Variants in CLASRP observed in about 807,000 individuals in gnomAD.
The protein encoded by CLASRP is CLK4 associating serine/arginine rich protein.
CLASRP carries 52 observed loss-of-function variants against 99.9 expected under a neutral mutation model. The observed-to-expected ratio is 0.52, with a 90% CI of 0.42 to 0.66. The LOEUF (loss-of-function observed/expected upper bound fraction) is 0.66. Among genes scored for constraint, CLASRP ranks in the 30% least tolerant of loss-of-function variants. CLASRP has a pLI of 0.00. For missense variants in CLASRP, 848 were observed against 999.2 expected, an observed-to-expected ratio of 0.85 and a Z score of 2.04; for synonymous variants, 379 against 373.0, an observed-to-expected ratio of 1.02 and a Z score of -0.18.
Position 45,060,407 on chromosome 19 carries a change from G to A in CLASRP, c.729G>A (p.Lys243=), listed in dbSNP as rs1054667685. 1.8e-5 allele frequency: 29 copies of A among 1,614,034 alleles called. No individual in the cohort carries two copies. ...TCTATAGGATGCTCCGGAAAGACAA[G>A]GAGGAGGCAGAGGCCATCAAGCATG... ...GDFVRMLRKD[K]EEAEAIKHAK... The change falls in exon 9 of 21, where the codon AAG becomes AAA. Residue 243 remains lysine, a synonymous_variant. Transcript: ENST00000221455. The surrounding 1 kb of genome is among the most constrained non-coding windows in gnomAD (Gnocchi z 4.6).
intron 5 of CLASRP, among the ~76,000 whole-genome samples, chr19:45,054,495 C>T (rs759256061): frequency 1.3e-5 from 2 of 152,102 alleles, no homozygotes; most frequent in African/African-American, 4.8e-5. Flanking sequence ...GTGATCCACC[C>T]GCCTCGGCCT....
intron 10 of CLASRP, 47 bp from the exon 11 acceptor site, chr19:45,062,107 T>G: frequency 7.8e-6 from 9 of 1,149,506 alleles, no homozygotes; most frequent in African/African-American, 3.0e-5. Flanking sequence ...TCATGACTGC[T>G]GAGATCTTAA....
In CLASRP at chr19:45,052,759, G is replaced by A. The variant is rs373110575; in HGVS notation, c.198-32G>A. 6 of 1,534,210 alleles carry A rather than the reference G, an allele frequency of 3.9e-6. No individual in the cohort carries two copies. In the African/African-American group the frequency reaches 8.2e-5, roughly 21 times the overall value. On this transcript the variant is annotated intron_variant, in intron 3 of 20. Coordinates refer to ENST00000221455, the MANE Select transcript of CLASRP (RefSeq NM_007056.3). ...TGTCCTGGGCAGTATGGACCCTGAG[G>A]TTCTTGCTTTCTTGCTCCCCTCCCA...
At chr19:45,065,167 C>G (rs1308450081) in intron 13 of CLASRP, among the ~76,000 whole-genome samples, 3 of 151,608 alleles carry the variant, frequency 2.0e-5, no homozygotes, top group Admixed American at 6.6e-5. Context: ...CCGAGGCAGG[C>G]GGATCTCCTG....
Position 45,062,134 on chromosome 19 carries a change from C to T in CLASRP, c.864-20C>T. ...AGATCTTAAGCCCTAATTTGTCCCA[C>T]CCCATTCTTTTCTCTGTAGCTATGC... On this transcript the variant is annotated intron_variant, in intron 10 of 20. Coordinates refer to ENST00000221455, the MANE Select transcript of CLASRP (RefSeq NM_007056.3). 6.9e-7 allele frequency: 1 copy of T among 1,439,586 alleles called. No homozygotes were observed. The highest frequency in any genetic ancestry group is 1.1e-5 in the South Asian group (1 of 87,552). 89.2% of individuals were successfully genotyped at this position (1,439,586 alleles called of 1,614,324 possible). A position where few individuals can be genotyped will look rare whatever the true frequency, so the allele number is the denominator to read the frequency against.
rs1003235651 is a variant in CLASRP, at chr19:45,060,505, G to A, written c.789+38G>A. On this transcript the variant is annotated intron_variant, in intron 9 of 20. Coordinates refer to ENST00000221455, the MANE Select transcript of CLASRP (RefSeq NM_007056.3). The surrounding 1 kb of genome is among the most constrained non-coding windows in gnomAD (Gnocchi z 4.6). ...CTGGAGTGGAAGGGGACAGGGGTGT[G>A]TCACAGGGAGGGCACCCCCTCACCA... 9.9e-6 allele frequency: 16 copies of A among 1,613,242 alleles called. No individual in the cohort carries two copies. The highest frequency in any genetic ancestry group is 5.0e-5 in the Admixed American group (3 of 59,984).
intron 4 of CLASRP, 35 bp from the exon 5 acceptor site, chr19:45,053,063 T>C (rs751723594): frequency 4.3e-5 from 70 of 1,611,570 alleles, no homozygotes; most frequent in Admixed American, 1.7e-4. Context: ...ATCCACTCCT[T>C]CTCTCTGATT....
chr19:45,064,790 G>A (rs1353508795), intron 13 of CLASRP, among the ~76,000 whole-genome samples, 160 bp downstream of exon 13: 2 of 152,214 alleles, frequency 1.3e-5, no homozygotes, highest in Non-Finnish European at 2.9e-5. Flanking sequence ...GGAAGCCCTT[G>A]GTTGGAAAGG....
At chr19:45,050,554 C>T (rs1972004637) in intron 2 of CLASRP, among the ~76,000 whole-genome samples, 1 of 151,922 alleles carries the variant, frequency 6.6e-6, no homozygotes, top group Non-Finnish European at 1.5e-5. Flanking sequence ...CATGGTGGCG[C>T]ATGCCTGTAA....
chr19:45,052,081 C>T lies in CLASRP; in HGVS notation c.110C>T (p.Pro37Leu), dbSNP rs1198619217. The T allele has an allele frequency of 6.2e-7, 1 of 1,613,932 alleles. No homozygotes were observed. ...TGTTTACCCCTGCAGAAGAAGGACC[C>T]AGCCCAGTTCCTGCAGGTACATGGC... ...REYYEKIKKD[P>L]AQFLQVHGRA... Residue 37 changes from proline to leucine, a missense_variant, in exon 3 of 21, where the codon CCA becomes CTA. Pro to Leu is a moderately conservative substitution (Grantham distance 98). Coordinates refer to ENST00000221455, the MANE Select transcript of CLASRP (RefSeq NM_007056.3).
At chr19:45,053,406 A>C (rs1972063893) in intron 5 of CLASRP, among the ~76,000 whole-genome samples, 1 of 152,148 alleles carries the variant, frequency 6.6e-6, no homozygotes, top group African/African-American at 2.4e-5. Flanking sequence ...ACGTCCATAT[A>C]CCATGCCTTC....
chr19:45,067,554 A>G lies in CLASRP; in HGVS notation c.1627A>G (p.Arg543Gly), dbSNP rs1186159403. ...ATCACCCGCAAGAGAGAAGCTGACC[A>G]GGCCGGCCGCGTCCCCTGCTGTGGG... is the stretch of plus-strand genomic sequence containing the variant. The part of the protein sequence containing the change: ...SPSPAREKLT[R>G]PAASPAVGEK... Residue 543 changes from arginine to glycine, a missense_variant, in exon 14 of 21, where the codon AGG (arginine) becomes GGG (glycine). By Grantham distance (125) the Arg-to-Gly change is moderately radical. This residue lies in a region of CLASRP where 489 missense variants were observed against 434.7 expected (regional missense o/e 1.12). Transcript: ENST00000221455. This position sits in a 1 kb window ranked among gnomAD's most constrained non-coding sequence, Gnocchi z 4.9. The G allele has an allele frequency of 1.9e-6, 3 of 1,605,282 alleles. No homozygotes were observed. The highest frequency in any genetic ancestry group is 2.5e-6 in the Non-Finnish European group (3 of 1,178,624).
chr19:45,055,551 C>G (rs1383119830), intron 5 of CLASRP, among the ~76,000 whole-genome samples: 1 of 152,168 alleles, frequency 6.6e-6, no homozygotes, highest in Non-Finnish European at 1.5e-5. Context: ...AAAGCTGAGG[C>G]CAGCCGGGCA....
At chr19:45,047,655 A>C (rs1401437929) in intron 2 of CLASRP, 2 of 152,234 alleles carry the variant, frequency 1.3e-5, no homozygotes, top group Non-Finnish European at 2.9e-5. Flanking sequence ...GGAAAGGGGA[A>C]GTTCAGTTTT....
chr19:45,053,038 C>T, intron 4 of CLASRP, 60 bp from the exon 5 acceptor site: 6 of 1,595,526 alleles, frequency 3.8e-6, no homozygotes, highest in Non-Finnish European at 5.2e-6. Flanking sequence ...TCCCTTCCTG[C>T]TGGCTTGGGG....
Position 45,070,442 on chromosome 19 carries a change from C to T in CLASRP, c.1958-95C>T, listed in dbSNP as rs1967212210. 2.7e-6 allele frequency: 3 copies of T among 1,100,206 alleles called. No homozygotes were observed. The South Asian group carries it at 3.7e-5, about 14-fold the overall frequency. 68.2% of individuals were successfully genotyped at this position (1,100,206 alleles called of 1,614,324 possible). A position where few individuals can be genotyped will look rare whatever the true frequency, so the allele number is the denominator to read the frequency against. ...AAATGTCCCCTCATTTGGAGACAACCCCTGAAGTTCAGTTTTGAGGACCTC... is the reference window on the plus strand; with the variant it reads ...AAATGTCCCCTCATTTGGAGACAACTCCTGAAGTTCAGTTTTGAGGACCTC... On this transcript the variant is annotated intron_variant, in intron 19 of 20. Transcript: ENST00000221455.
intron 2 of CLASRP, among the ~76,000 whole-genome samples, chr19:45,041,914 G>A (rs1245525138): frequency 1.3e-5 from 2 of 152,196 alleles, no homozygotes; most frequent in East Asian, 1.9e-4. Flanking sequence ...TCCCATACCT[G>A]GTTAACTACT....
chr19:45,046,707 C>T (rs536796477), intron 2 of CLASRP, among the ~76,000 whole-genome samples: 31 of 152,330 alleles, frequency 2.0e-4, no homozygotes, highest in African/African-American at 7.5e-4. Context: ...CAATCTGATC[C>T]TAGAGACAGG....
At chr19:45,044,523 T>G (rs1479706758) in intron 2 of CLASRP, among the ~76,000 whole-genome samples, 1 of 152,136 alleles carries the variant, frequency 6.6e-6, no homozygotes, top group Non-Finnish European at 1.5e-5. Context: ...CCTTAACCTC[T>G]CTAAGCTTTT....
Sources: allele counts gnomAD v4.1 joint callset (sites outside exome capture counted in the v4.1 genomes callset), GRCh38; gene constraint gnomAD v4.1.1; regional missense constraint gnomAD v4.1.1; non-coding constraint Gnocchi (gnomAD v3.1); transcripts MANE v1.5; gene names NCBI Gene and HGNC (gene_info 2026-07-23, HGNC 2026-07-21).